ELAVL2: variants seen among roughly 807,000 people sequenced by gnomAD.
ELAVL2 encodes ELAV-like protein 2.
In ELAVL2, 4 loss-of-function variants were observed where a neutral mutation model predicts 34.6. That is an observed-to-expected ratio of 0.12 (90% confidence interval 0.06 to 0.26). The LOEUF (loss-of-function observed/expected upper bound fraction) is 0.26. Among genes scored for constraint, ELAVL2 ranks in the 10% least tolerant of loss-of-function variants. The probability of loss-of-function intolerance (pLI) is 1.00; values close to 1 mark genes in which losing one functional copy is unlikely to be tolerated. For synonymous variants in ELAVL2, 193 were observed against 154.8 expected (o/e 1.25, Z -1.83); for missense variants, 432 against 442.8 (o/e 0.98, Z 0.22).
At chr9:23,783,410 C>G in intron 1 of ELAVL2, 2 of 982,264 alleles carry the variant, frequency 2.0e-6, no homozygotes, top group Non-Finnish European at 2.4e-6. Context: ...AAACATGTAA[C>G]TTCAGAGAGC....
At chr9:23,793,379 T>G (rs1190214762) in intron 1 of ELAVL2, among the ~76,000 whole-genome samples, 5 of 152,150 alleles carry the variant, frequency 3.3e-5, no homozygotes, top group Admixed American at 3.3e-4. Context: ...ATTCAGAGTT[T>G]TCAGAGGCTC....
the ELAVL2 span, among the ~76,000 whole-genome samples, chr9:23,843,861 A>T: frequency 2.0e-3 from 311 of 152,120 alleles, 4 homozygotes; most frequent in East Asian, 0.021. Context: ...TAACATAATC[A>T]ATATATTAAA....
chr9:23,739,362 T>G (rs2048610079), intron 2 of ELAVL2, among the ~76,000 whole-genome samples: 1 of 152,162 alleles, frequency 6.6e-6, no homozygotes, highest in South Asian at 2.1e-4. Context: ...GCCACCAGGA[T>G]AGAGCAAATG....
chr9:23,714,773 C>T (rs780495390), intron 3 of ELAVL2, among the ~76,000 whole-genome samples: 1 of 152,004 alleles, frequency 6.6e-6, no homozygotes, highest in Non-Finnish European at 1.5e-5. Flanking sequence ...ACCATGCAAT[C>T]GGCCACCTGA....
intron 1 of ELAVL2, among the ~76,000 whole-genome samples, chr9:23,791,471 T>C (rs982308556): frequency 1.3e-5 from 2 of 152,182 alleles, no homozygotes; most frequent in African/African-American, 4.8e-5. Context: ...AAAACAGGGT[T>C]GTGTAGTTCA....
chr9:23,796,317 T>C (rs1476601458), intron 1 of ELAVL2, among the ~76,000 whole-genome samples: 1 of 152,228 alleles, frequency 6.6e-6, no homozygotes, highest in Non-Finnish European at 1.5e-5. Context: ...TTGGGTAACT[T>C]GCAATCTCCA....
intron 1 of ELAVL2, among the ~76,000 whole-genome samples, chr9:23,802,786 T>TA (rs1220652177): frequency 1.3e-5 from 2 of 152,230 alleles, no homozygotes; most frequent in Non-Finnish European, 2.9e-5. Flanking sequence ...TGACTAGATC[T>TA]ATTAAGCCAG....
chr9:23,695,370 G>A (rs576857157), intron 5 of ELAVL2, among the ~76,000 whole-genome samples: 1 of 152,104 alleles, frequency 6.6e-6, no homozygotes, highest in Non-Finnish European at 1.5e-5. Context: ...CCCATTAATT[G>A]CATCCATGTA....
At chr9:23,702,093 G>A (rs1272559908) in intron 4 of ELAVL2, among the ~76,000 whole-genome samples, 1 of 152,132 alleles carries the variant, frequency 6.6e-6, no homozygotes, top group Admixed American at 6.5e-5. Context: ...CACTGTGGTA[G>A]AAAGACATTT....
intron 1 of ELAVL2, among the ~76,000 whole-genome samples, chr9:23,796,577 T>C (rs1324786525): frequency 1.3e-5 from 2 of 152,264 alleles, no homozygotes; most frequent in African/African-American, 2.4e-5. Flanking sequence ...TTAGTCATTA[T>C]GATCCAAAGA....
At chr9:23,719,046 C>T (rs911805706) in intron 3 of ELAVL2, among the ~76,000 whole-genome samples, 52 of 152,190 alleles carry the variant, frequency 3.4e-4, no homozygotes, top group African/African-American at 1.3e-3. Flanking sequence ...AATAAAGAGA[C>T]CATATCATTG....
chr9:23,801,216 T>C (rs556305289), intron 1 of ELAVL2, among the ~76,000 whole-genome samples: 1 of 152,192 alleles, frequency 6.6e-6, no homozygotes, highest in African/African-American at 2.4e-5. Flanking sequence ...TAGAACAAAA[T>C]ACAAAAACAT....
At chr9:23,745,679 C>T (rs776657220) in intron 2 of ELAVL2, among the ~76,000 whole-genome samples, 1 of 152,088 alleles carries the variant, frequency 6.6e-6, no homozygotes, top group African/African-American at 2.4e-5. Context: ...TGCCTGTAAG[C>T]ATACACATGT....
intron 1 of ELAVL2, among the ~76,000 whole-genome samples, chr9:23,783,678 C>T (rs774706973): frequency 6.6e-6 from 1 of 152,120 alleles, no homozygotes; most frequent in Non-Finnish European, 1.5e-5. Context: ...CAAGATGACT[C>T]AGATAAGGAG....
intron 1 of ELAVL2, among the ~76,000 whole-genome samples, chr9:23,766,808 A>C (rs1464689822): frequency 6.6e-6 from 1 of 152,172 alleles, no homozygotes; most frequent in Non-Finnish European, 1.5e-5. Flanking sequence ...CCTTCACTTA[A>C]GGACAGGCAA....
intron 1 of ELAVL2, among the ~76,000 whole-genome samples, chr9:23,800,267 A>G (rs996247072): frequency 1.1e-4 from 17 of 152,160 alleles, no homozygotes; most frequent in African/African-American, 4.1e-4. Flanking sequence ...TCTGAACTGG[A>G]GGTGTAACAA....
chr9:23,836,411 T>G, the ELAVL2 span, among the ~76,000 whole-genome samples: 1 of 152,178 alleles, frequency 6.6e-6, no homozygotes, highest in African/African-American at 2.4e-5. Flanking sequence ...ATAAAAAACT[T>G]TCTTTTATGT....
At chr9:23,821,788 C>T (rs1318324740) in intron 1 of ELAVL2, 2 of 150,952 alleles carry the variant, frequency 1.3e-5, no homozygotes, top group Non-Finnish European at 3.0e-5. Context: ...CGGCAACCGC[C>T]CTCCTCACCC....
At chr9:23,830,601 T>TACAC (rs10525135), upstream of ELAVL2, among the ~76,000 whole-genome samples, 14,159 of 133,090 alleles carry the variant, frequency 0.11, 1,028 homozygotes, top group East Asian at 0.26. Flanking sequence ...GCCCCCCACT[T>TACAC]ACACACACAC....
Sources: gnomAD v4.1 joint callset for allele counts (sites outside exome capture counted in the v4.1 genomes callset) on GRCh38, gnomAD v4.1.1 for gene constraint, MANE v1.5 for transcripts, NCBI Gene and HGNC (gene_info 2026-07-23, HGNC 2026-07-21) for gene names.